Variants in C2orf49 observed in about 807,000 individuals in gnomAD.
C2orf49 encodes the protein tRNA-splicing ligase complex subunit ASW.
In C2orf49, 11 loss-of-function variants were observed where a neutral mutation model predicts 20.6. The ratio of observed to expected loss-of-function variants is 0.53; its 90% CI spans 0.34 to 0.88. C2orf49 has a LOEUF of 0.88. Among genes scored for constraint, C2orf49 ranks in the 40% least tolerant of loss-of-function variants. C2orf49 has a pLI of 0.02. For synonymous variants in C2orf49, 134 were observed against 108.5 expected, an observed-to-expected ratio of 1.24 and a Z score of -1.46; for missense variants, 289 against 274.2, an observed-to-expected ratio of 1.05 and a Z score of -0.38.
the C2orf49 span, among the ~76,000 whole-genome samples, chr2:105,354,510 C>T: frequency 6.6e-6 from 1 of 151,966 alleles, no homozygotes; most frequent in African/African-American, 2.4e-5. Flanking sequence ...ATTGAAAATA[C>T]AAAAGGTCAG....
chr2:105,383,143 C>A, the C2orf49 span, among the ~76,000 whole-genome samples: 1 of 152,242 alleles, frequency 6.6e-6, no homozygotes, highest in Admixed American at 6.5e-5. Context: ...GCCTCGGCCT[C>A]CCAAAGTGCT....
the C2orf49 span, among the ~76,000 whole-genome samples, chr2:105,365,312 A>G: frequency 1.4e-5 from 2 of 147,370 alleles, no homozygotes; most frequent in Non-Finnish European, 3.0e-5. Flanking sequence ...CTTGTCCAGC[A>G]TCAGATCCCC....
the C2orf49 span, chr2:105,377,636 A>C: frequency 1.2e-5 from 2 of 168,232 alleles, no homozygotes; most frequent in Non-Finnish European, 2.6e-5. Flanking sequence ...AACTGTCTCC[A>C]AAAGAAAAAA....
In C2orf49 at chr2:105,345,353, A is replaced by G; in HGVS notation, c.681A>G (p.Gln227=). The change falls in exon 4 of 4, where the codon CAA becomes CAG. Residue 227 remains glutamine, a synonymous_variant. Transcript: ENST00000258457. Reference sequence around the variant, plus strand: ...CCCCACAAGCAAAAAGGAAGATACAACATGTTACTTGGCCCTGAAGAAAAG... The same window carrying G: ...CCCCACAAGCAAAAAGGAAGATACAGCATGTTACTTGGCCCTGAAGAAAAG... The part of the protein sequence containing the change: ...LKPPQAKRKI[Q]HVTWP The G allele has an allele frequency of 6.2e-7, 1 of 1,613,404 alleles. No individual in the cohort carries two copies. Among genetic ancestry groups the G allele is most frequent in the Non-Finnish European group, 8.5e-7 (1 of 1,179,792 alleles).
chr2:105,337,692 GCGCGCC>G lies in C2orf49; in HGVS notation c.99+7_99+12del. On this transcript the variant is annotated splice_region_variant and intron_variant, in intron 1 of 3. Coordinates refer to ENST00000258457, the MANE Select transcript of C2orf49 (RefSeq NM_024093.3). ...TTCTCCTCACTCTGGAGCAGGTTGG[GCGCGCC>G]GGATCGGAGGGTGGGCGGGTGGGCC... 1.5e-6 allele frequency: 2 copies of G among 1,375,994 alleles called. No homozygotes were observed. The highest frequency in any genetic ancestry group is 2.0e-6 in the Non-Finnish European group (2 of 1,016,478). The allele number at this position is 1,375,994 out of a possible 1,614,324, so 85.2% of individuals were successfully genotyped here.
chr2:105,357,217 A>G, the C2orf49 span, among the ~76,000 whole-genome samples: 1 of 151,790 alleles, frequency 6.6e-6, no homozygotes, highest in Non-Finnish European at 1.5e-5. Flanking sequence ...GGTTTCTCAC[A>G]TTTCTCTGAG....
At chr2:105,338,947 G>A (rs1679586086) in intron 1 of C2orf49, among the ~76,000 whole-genome samples, 1 of 152,180 alleles carries the variant, frequency 6.6e-6, no homozygotes, top group African/African-American at 2.4e-5. Flanking sequence ...GGAAGAATTT[G>A]GTGATTTAGA....
the C2orf49 span, among the ~76,000 whole-genome samples, chr2:105,382,526 A>C: frequency 6.6e-6 from 1 of 152,240 alleles, no homozygotes; most frequent in Non-Finnish European, 1.5e-5. Context: ...GAATGAAAAA[A>C]GTTCCTACCT....
the C2orf49 span, among the ~76,000 whole-genome samples, chr2:105,365,662 C>A: frequency 6.7e-6 from 1 of 149,744 alleles, no homozygotes; most frequent in Admixed American, 6.6e-5. Context: ...AAGTGAGACA[C>A]CGTCTCTACT....
the C2orf49 span, among the ~76,000 whole-genome samples, chr2:105,365,959 C>A: frequency 6.6e-6 from 1 of 152,068 alleles, no homozygotes; most frequent in Non-Finnish European, 1.5e-5. Flanking sequence ...AATCCCAGCA[C>A]TTTGGGAGGT....
the C2orf49 span, among the ~76,000 whole-genome samples, chr2:105,367,174 C>T: frequency 6.6e-6 from 1 of 152,222 alleles, no homozygotes; most frequent in Non-Finnish European, 1.5e-5. Flanking sequence ...CTCCCTTCCT[C>T]TCCTCCCTCT....
Position 105,342,001 on chromosome 2 carries a change from C to T in C2orf49, c.267-847C>T, listed in dbSNP as rs148335931. On this transcript the variant is annotated intron_variant, in intron 2 of 3. Transcript: ENST00000258457. ...CAGCCTGGCCAACATGGTGAAACCC[C>T]GTCTCTACTAAAAATACAAAAATTA... Among the ~76,000 whole-genome samples, 1,108 of 152,250 alleles carry T rather than the reference C, an allele frequency of 7.3e-3. 14 individuals are homozygous for T. Among genetic ancestry groups the T allele is most frequent in the African/African-American group, 0.024 (1,015 of 41,530 alleles).
the C2orf49 span, among the ~76,000 whole-genome samples, chr2:105,357,301 C>G: frequency 6.6e-6 from 1 of 152,078 alleles, no homozygotes; most frequent in Non-Finnish European, 1.5e-5. Flanking sequence ...TCTTCAAGTT[C>G]ACTGGTTTTC....
At chr2:105,371,969 A>G in the C2orf49 span, among the ~76,000 whole-genome samples, 2 of 152,136 alleles carry the variant, frequency 1.3e-5, no homozygotes, top group Non-Finnish European at 2.9e-5. Context: ...CAGGATCCAC[A>G]TGATCTTAGA....
chr2:105,337,754 G>A, intron 1 of C2orf49, 68 bp downstream of exon 1: 1 of 1,396,206 alleles, frequency 7.2e-7, no homozygotes. Flanking sequence ...ACCCGAGCTT[G>A]CCTTAAGTAG....
downstream of C2orf49, among the ~76,000 whole-genome samples, chr2:105,352,451 C>CA (rs1679960039): frequency 1.3e-3 from 20 of 14,824 alleles, no homozygotes; most frequent in African/African-American, 5.6e-3. Flanking sequence ...TTTTTTTTTT[C>CA]GTTTTTTTTT....
the C2orf49 span, among the ~76,000 whole-genome samples, chr2:105,372,297 C>T: frequency 6.6e-6 from 1 of 152,062 alleles, no homozygotes; most frequent in African/African-American, 2.4e-5. Flanking sequence ...GTGATCTCAG[C>T]TCACTGCAAG....
At chr2:105,351,311 G>GCCCCCCC (rs1262786903), downstream of C2orf49, among the ~76,000 whole-genome samples, 1 of 50,432 alleles carries the variant, frequency 2.0e-5, no homozygotes, top group Non-Finnish European at 4.1e-5. Flanking sequence ...TTTGCCCACC[G>GCCCCCCC]CGCCCCCCCC....
In C2orf49 at chr2:105,346,982, T is replaced by G. The variant is rs1679829730; in HGVS notation, c.*1611T>G. On this transcript the variant is annotated 3_prime_UTR_variant, in exon 4 of 4. Transcript: ENST00000258457. ...ATCTTCAAATTGGGATTTACCTTTT[T>G]CAATATGTTTTAAAGTAGTCTTATT... is the stretch of plus-strand genomic sequence containing the variant. The G allele has an allele frequency of 6.6e-6, 1 of 152,214 alleles. No homozygotes were observed. Among genetic ancestry groups the G allele is most frequent in the African/African-American group, 2.4e-5 (1 of 41,454 alleles). The allele number at this position is 152,214 out of a possible 1,614,324, so 9.4% of individuals were successfully genotyped here. A position where few individuals can be genotyped will look rare whatever the true frequency, so the allele number is the denominator to read the frequency against.
Sources: allele counts gnomAD v4.1 joint callset (sites outside exome capture counted in the v4.1 genomes callset), GRCh38; gene constraint gnomAD v4.1.1; transcripts MANE v1.5; gene names NCBI Gene and HGNC (gene_info 2026-07-23, HGNC 2026-07-21).